CACNA1E: variants seen among roughly 807,000 people sequenced by gnomAD.
CACNA1E encodes calcium voltage-gated channel subunit alpha1 E, also known as voltage-dependent R-type calcium channel subunit alpha-1E.
Under a neutral mutation model 259.2 loss-of-function variants are expected in CACNA1E, and 40 were observed. The ratio of observed to expected loss-of-function variants is 0.15; its 90% CI spans 0.12 to 0.20. The LOEUF (loss-of-function observed/expected upper bound fraction) is 0.20. Ranked by LOEUF, CACNA1E falls within the 10% of genes least tolerant of loss-of-function variation. The probability of loss-of-function intolerance (pLI) is 1.00; values close to 1 mark genes in which losing one functional copy is unlikely to be tolerated. For synonymous variants in CACNA1E, 1,104 were observed against 1,138.5 expected (o/e 0.97, Z 0.61); for missense variants, 1,874 against 3,040.1 (o/e 0.62, Z 9.02).
chr1:181,558,132 AG>A (rs1648932792), intron 3 of CACNA1E, among the ~76,000 whole-genome samples: 1 of 152,208 alleles, frequency 6.6e-6, no homozygotes, highest in African/African-American at 2.4e-5. Context: ...GAACACTTGA[AG>A]GGCAGTCTTG....
Position 181,572,109 on chromosome 1 carries a change from T to TTTCAGGGTA in CACNA1E, c.513-5654_513-5646dup, listed in dbSNP as rs571992452. On this transcript the variant is annotated intron_variant, in intron 3 of 47. Transcript: ENST00000367573. ...GGCAACCCTGAACCTATGACCACTG[T>TTTCAGGGTA]TTCAGGGTATTTTCAGGCATAGACT... Among the ~76,000 whole-genome samples, 1,264 of 152,266 alleles carry TTTCAGGGTA rather than the reference T, an allele frequency of 8.3e-3. 12 individuals are homozygous for TTTCAGGGTA. The highest frequency in any genetic ancestry group is 0.013 in the Non-Finnish European group (906 of 68,016).
At chr1:181,778,845 C>G (rs1011798889) in intron 38 of CACNA1E, among the ~76,000 whole-genome samples, 2 of 152,176 alleles carry the variant, frequency 1.3e-5, no homozygotes, top group South Asian at 4.1e-4. Context: ...CTTGCCCAAG[C>G]TGAACGCAGA....
At chr1:181,721,671 A>T in intron 15 of CACNA1E, 87 bp from the exon 16 acceptor site, 1 of 718,518 alleles carries the variant, frequency 1.4e-6, no homozygotes, top group Non-Finnish European at 2.4e-6. Context: ...GATGCAAAAG[A>T]CCCAGGCCCA....
intron 6 of CACNA1E, among the ~76,000 whole-genome samples, chr1:181,650,358 G>A (rs927426438): frequency 2.6e-5 from 4 of 152,186 alleles, no homozygotes; most frequent in African/African-American, 7.2e-5. Context: ...TAAAATATCT[G>A]TTGTAAGTTT....
Position 181,781,505 on chromosome 1 carries a change from C to A in CACNA1E, c.5346C>A (p.Pro1782=). ...SPPLGLGKRC[P]SKVAYKRLVL... is the part of the protein sequence containing the mutation. ...CGCTAGGCCTCGGCAAGAGATGTCCCTCCAAAGTGGCATATAAGGTAGACC... is the reference window on the plus strand; with the variant it reads ...CGCTAGGCCTCGGCAAGAGATGTCCATCCAAAGTGGCATATAAGGTAGACC... The change falls in exon 39 of 48, where the codon CCC becomes CCA. Residue 1782 remains proline, a synonymous_variant. Coordinates refer to ENST00000367573, the MANE Select transcript of CACNA1E (RefSeq NM_001205293.3). The A allele has an allele frequency of 6.4e-7, 1 of 1,574,074 alleles. No individual in the cohort carries two copies. The highest frequency in any genetic ancestry group is 2.3e-5 in the East Asian group (1 of 44,314).
chr1:181,595,149 T>A (rs143981322), intron 6 of CACNA1E, among the ~76,000 whole-genome samples: 1 of 152,338 alleles, frequency 6.6e-6, no homozygotes, highest in African/African-American at 2.4e-5. Flanking sequence ...AAGCTGCCAC[T>A]GCCTGAGTAG....
chr1:181,349,077 G>A (rs1200797496), intron 1 of CACNA1E, among the ~76,000 whole-genome samples: 1 of 151,914 alleles, frequency 6.6e-6, no homozygotes, highest in Non-Finnish European at 1.5e-5. Flanking sequence ...GCATCCTTGG[G>A]GAGCTCTTGG....
chr1:181,476,630 C>G (rs1414416243), intron 2 of CACNA1E, among the ~76,000 whole-genome samples: 1 of 152,250 alleles, frequency 6.6e-6, no homozygotes, highest in East Asian at 1.9e-4. Context: ...GACATGATAC[C>G]TGACACGTGG....
At chr1:181,463,309 T>G (rs1207261663) in intron 2 of CACNA1E, among the ~76,000 whole-genome samples, 1 of 152,108 alleles carries the variant, frequency 6.6e-6, no homozygotes, top group African/African-American at 2.4e-5. Context: ...TCTAAAATTA[T>G]CTTAATATTT....
chr1:181,588,527 C>T (rs1652317633), intron 6 of CACNA1E, among the ~76,000 whole-genome samples: 4 of 152,152 alleles, frequency 2.6e-5, no homozygotes, highest in South Asian at 2.1e-4. Flanking sequence ...GTTATTCCTA[C>T]TCATTGCATT....
Position 181,736,307 on chromosome 1 carries a change from T to A in CACNA1E, c.3295T>A (p.Leu1099Met), listed in dbSNP as rs773411866. 17 of 1,600,600 alleles carry A rather than the reference T, an allele frequency of 1.1e-5. No homozygotes were observed. In the South Asian group the frequency reaches 1.8e-4, roughly 17 times the overall value. The change falls in exon 22 of 48, where the codon TTG becomes ATG. Residue 1099 changes from leucine (L) to methionine (M), a missense_variant. Around this residue, in one of 14 missense-constraint regions of CACNA1E, gnomAD observed 476 missense variants for 514.0 expected, o/e 0.93. Coordinates refer to ENST00000367573, the MANE Select transcript of CACNA1E (RefSeq NM_001205293.3). ...SNKTDGEASPLKEAEIREDEE... is the reference protein window; with the variant it reads ...SNKTDGEASPMKEAEIREDEE... ...CAAGACGGATGGGGAAGCCAGTCCC[T>A]TGAAGGAGGCAGAGATCAGAGAGGA...
intron 6 of CACNA1E, among the ~76,000 whole-genome samples, chr1:181,618,477 AT>A (rs1389105109): frequency 6.6e-6 from 1 of 152,208 alleles, no homozygotes; most frequent in Non-Finnish European, 1.5e-5. Context: ...AGGCAGGAGA[AT>A]TGCTTGAACC....
intron 37 of CACNA1E, among the ~76,000 whole-genome samples, chr1:181,773,327 C>G (rs894373710): frequency 1.3e-5 from 2 of 152,150 alleles, no homozygotes; most frequent in African/African-American, 4.8e-5. Context: ...GGCTTTGTTC[C>G]TCTGCTAGCC....
intron 1 of CACNA1E, among the ~76,000 whole-genome samples, chr1:181,405,921 C>A (rs1657432542): frequency 6.6e-6 from 1 of 152,138 alleles, no homozygotes; most frequent in Non-Finnish European, 1.5e-5. Context: ...GGACCAGGTG[C>A]CTGTTTTTGT....
chr1:181,344,192 G>A (rs955391722), intron 1 of CACNA1E, among the ~76,000 whole-genome samples: 4 of 152,126 alleles, frequency 2.6e-5, no homozygotes, highest in African/African-American at 9.7e-5. Flanking sequence ...CTACTTGAGG[G>A]CAACAGTTGG....
intron 6 of CACNA1E, among the ~76,000 whole-genome samples, chr1:181,609,448 G>C (rs1395414414): frequency 6.6e-6 from 1 of 152,092 alleles, no homozygotes; most frequent in Non-Finnish European, 1.5e-5. Context: ...TGAATTTTGA[G>C]GGAGGATGTT....
At chr1:181,542,208 C>T (rs1455583786) in intron 3 of CACNA1E, among the ~76,000 whole-genome samples, 1 of 152,176 alleles carries the variant, frequency 6.6e-6, no homozygotes, top group African/African-American at 2.4e-5. Context: ...TTGACTGCAA[C>T]CTCATGAGAG....
chr1:181,693,149 A>AAAAC (rs1558273258), intron 7 of CACNA1E, among the ~76,000 whole-genome samples: 5 of 128,762 alleles, frequency 3.9e-5, no homozygotes, highest in African/African-American at 2.8e-5. Context: ...AAAAAAAAAA[A>AAAAC]ACAACAGATG....
At chr1:181,412,955 G>A (rs1314030137) in intron 1 of CACNA1E, among the ~76,000 whole-genome samples, 1 of 152,236 alleles carries the variant, frequency 6.6e-6, no homozygotes, top group Non-Finnish European at 1.5e-5. Context: ...GAGCTCCACT[G>A]TGTGCCAGTT....
Sources: gnomAD v4.1 joint callset for allele counts (sites outside exome capture counted in the v4.1 genomes callset) on GRCh38, gnomAD v4.1.1 for gene constraint, gnomAD v4.1.1 regional missense constraint, MANE v1.5 for transcripts, NCBI Gene and HGNC (gene_info 2026-07-23, HGNC 2026-07-21) for gene names.